Variants in ABCD3 observed in about 807,000 individuals in gnomAD.
ABCD3 encodes the protein ATP-binding cassette sub-family D member 3.
ABCD3 carries 41 observed loss-of-function variants against 105.5 expected under a neutral mutation model. The ratio of observed to expected loss-of-function variants is 0.39; its 90% confidence interval spans 0.30 to 0.50. ABCD3 has a LOEUF of 0.50. Among genes scored for constraint, ABCD3 ranks in the 20% least tolerant of loss-of-function variants. The pLI is 0.84. For missense variants in ABCD3, 622 were observed against 806.3 expected, an observed-to-expected ratio of 0.77 and a Z score of 2.77; for synonymous variants, 258 against 269.0, an observed-to-expected ratio of 0.96 and a Z score of 0.40.
At chr1:94,443,484 G>T (rs1342580291) in intron 1 of ABCD3, among the ~76,000 whole-genome samples, 2 of 152,034 alleles carry the variant, frequency 1.3e-5, no homozygotes, top group Non-Finnish European at 2.9e-5. Flanking sequence ...GTCTATTTTT[G>T]TTTTTGTTGT....
intron 16 of ABCD3, among the ~76,000 whole-genome samples, chr1:94,497,131 C>T (rs1009380095): frequency 2.0e-5 from 3 of 152,096 alleles, no homozygotes; most frequent in South Asian, 2.1e-4. Flanking sequence ...TTTCCTCACC[C>T]GCTCCCAAGT....
chr1:94,418,418 G>GGTAGCC lies in ABCD3; in HGVS notation c.-59_-54dup. On this transcript the variant is annotated 5_prime_UTR_variant, in exon 1 of 23. Transcript: ENST00000370214. Reference sequence around the variant, plus strand: ...GTCTCCCCCGCGCTGCGTGCAGTAAGGTAGCCGCCGCCGCCGCCGCCGCCG... The same window carrying GGTAGCC: ...GTCTCCCCCGCGCTGCGTGCAGTAAGGTAGCCGTAGCCGCCGCCGCCGCCGCCGCCG... 7.3e-7 allele frequency: 1 copy of GGTAGCC among 1,376,288 alleles called. No homozygotes were observed. Among genetic ancestry groups the GGTAGCC allele is most frequent in the South Asian group, 1.2e-5 (1 of 82,020 alleles). 85.3% of individuals were successfully genotyped at this position (1,376,288 alleles called of 1,614,324 possible).
At chr1:94,397,396 G>T in the ABCD3 span, among the ~76,000 whole-genome samples, 1 of 152,200 alleles carries the variant, frequency 6.6e-6, no homozygotes, top group African/African-American at 2.4e-5. Flanking sequence ...CCTCCAATCT[G>T]TGATGGTTTC....
chr1:94,494,792 A>G (rs892551734), intron 16 of ABCD3, among the ~76,000 whole-genome samples: 1 of 152,212 alleles, frequency 6.6e-6, no homozygotes, highest in African/African-American at 2.4e-5. Flanking sequence ...GAGAGATCCT[A>G]AGAGGTAACA....
At chr1:94,415,682 A>C (rs1279275081), upstream of ABCD3, among the ~76,000 whole-genome samples, 2 of 152,132 alleles carry the variant, frequency 1.3e-5, no homozygotes, top group East Asian at 3.9e-4. Flanking sequence ...AATATTCTAC[A>C]TTAATCTTAA....
chr1:94,394,051 A>AT, the ABCD3 span, among the ~76,000 whole-genome samples: 1 of 152,220 alleles, frequency 6.6e-6, no homozygotes, highest in African/African-American at 2.4e-5. Context: ...GATGCCAGGT[A>AT]TTTTTAACTT....
intron 21 of ABCD3, among the ~76,000 whole-genome samples, chr1:94,507,259 C>G (rs985957200): frequency 2.0e-5 from 3 of 151,718 alleles, no homozygotes; most frequent in Non-Finnish European, 4.4e-5. Context: ...TTTGTTCTTG[C>G]GAAAGTTTAC....
chr1:94,515,207 G>A lies in ABCD3; in HGVS notation c.1902+5G>A. Reference sequence around the variant, plus strand: ...TCTCTTTGGAAACATCATGAGGTTTGTATTTCTTTCATTGAATGGTACAGT... The same window carrying A: ...TCTCTTTGGAAACATCATGAGGTTTATATTTCTTTCATTGAATGGTACAGT... On this transcript the variant is annotated splice_donor_5th_base_variant and intron_variant, in intron 22 of 22. Coordinates refer to ENST00000370214, the MANE Select transcript of ABCD3 (RefSeq NM_002858.4). 1 of 1,604,382 alleles carries A rather than the reference G, an allele frequency of 6.2e-7. No individual in the cohort carries two copies. Among genetic ancestry groups the A allele is most frequent in the Non-Finnish European group, 8.5e-7 (1 of 1,172,314 alleles).
At chr1:94,436,152 C>T (rs1659893255) in intron 1 of ABCD3, among the ~76,000 whole-genome samples, 1 of 152,196 alleles carries the variant, frequency 6.6e-6, no homozygotes, top group Admixed American at 6.5e-5. Context: ...CTCATTGCTA[C>T]TAGGTTGGCA....
chr1:94,476,433 G>A (rs1380714587), intron 7 of ABCD3, among the ~76,000 whole-genome samples: 1 of 152,022 alleles, frequency 6.6e-6, no homozygotes, highest in African/African-American at 2.4e-5. Flanking sequence ...AAAATAGTCT[G>A]CCCAGCATCC....
At chr1:94,418,791 C>G (rs1056905706) in intron 1 of ABCD3, 1 of 594,242 alleles carries the variant, frequency 1.7e-6, no homozygotes, top group African/African-American at 1.9e-5. Context: ...GCCTGTCCGG[C>G]GACCTCGCTC....
chr1:94,443,057 G>T (rs1038840867), intron 1 of ABCD3, among the ~76,000 whole-genome samples: 1 of 152,170 alleles, frequency 6.6e-6, no homozygotes, highest in Non-Finnish European at 1.5e-5. Context: ...TTTCCATAAA[G>T]ATGGTAATAA....
At chr1:94,459,736 A>T (rs1023058) in intron 2 of ABCD3, among the ~76,000 whole-genome samples, 39,172 of 152,002 alleles carry the variant, frequency 0.26, 5,681 homozygotes, top group Admixed American at 0.34. Flanking sequence ...CTCTCCAAAA[A>T]AATCCTGTAC....
At position 94,466,657 on chromosome 1, in the gene ABCD3, G is replaced by A. The variant is rs544709952; in HGVS notation, c.247-1262G>A. 3.9e-5 allele frequency among the ~76,000 whole-genome samples: 6 copies of A among 152,190 alleles called. No homozygotes were observed. In the South Asian group the frequency reaches 1.2e-3, roughly 32 times the overall value. On this transcript the variant is annotated intron_variant, in intron 3 of 22. Transcript: ENST00000370214. ...CTTATCTTTTTTGTGAATATTTCCAGTGACTCTTCAGGCATAACTAATTGT... is the reference window on the plus strand; with the variant it reads ...CTTATCTTTTTTGTGAATATTTCCAATGACTCTTCAGGCATAACTAATTGT...
At chr1:94,425,175 T>A (rs1483509964) in intron 1 of ABCD3, among the ~76,000 whole-genome samples, 2 of 152,202 alleles carry the variant, frequency 1.3e-5, no homozygotes, top group Non-Finnish European at 2.9e-5. Context: ...GACAGTTTAA[T>A]AGAGTGTAAA....
intron 4 of ABCD3, among the ~76,000 whole-genome samples, chr1:94,469,781 T>G (rs893316366): frequency 6.7e-6 from 1 of 149,444 alleles, no homozygotes; most frequent in African/African-American, 2.5e-5. Flanking sequence ...TTCTCCTGCC[T>G]CAGCCTCCTG....
chr1:94,452,000 C>T (rs1354171640), intron 1 of ABCD3, among the ~76,000 whole-genome samples: 1 of 152,172 alleles, frequency 6.6e-6, no homozygotes, highest in Non-Finnish European at 1.5e-5. Context: ...CACTCTCATA[C>T]CCACTGTCTT....
chr1:94,433,445 C>T (rs989217670), intron 1 of ABCD3, among the ~76,000 whole-genome samples: 10 of 151,826 alleles, frequency 6.6e-5, no homozygotes, highest in Admixed American at 2.6e-4. Flanking sequence ...TGAGCCACCA[C>T]GCCCGGCCCG....
intron 3 of ABCD3, among the ~76,000 whole-genome samples, chr1:94,465,367 A>G (rs1339284972): frequency 1.3e-5 from 2 of 152,168 alleles, no homozygotes; most frequent in Non-Finnish European, 2.9e-5. Context: ...CTATAGGTCA[A>G]ATGTTTTCTC....
Sources: allele counts gnomAD v4.1 joint callset (sites outside exome capture counted in the v4.1 genomes callset), GRCh38; gene constraint gnomAD v4.1.1; transcripts MANE v1.5; gene names NCBI Gene and HGNC (gene_info 2026-07-23, HGNC 2026-07-21).